PREX2: variants seen among roughly 807,000 people sequenced by gnomAD.
The protein encoded by PREX2 is phosphatidylinositol 3,4,5-trisphosphate-dependent Rac exchanger 2 protein.
A neutral mutation model predicts 203.2 loss-of-function variants in PREX2; 107 were observed. The ratio of observed to expected loss-of-function variants is 0.53; its 90% CI spans 0.45 to 0.62. The LOEUF is 0.62. PREX2 is among the 20% of genes least tolerant of loss of function. The pLI, the probability that PREX2 is intolerant of heterozygous loss-of-function variation, is 0.00. For missense variants in PREX2, 1,777 were observed against 1,955.9 expected, an observed-to-expected ratio of 0.91 and a Z score of 1.72; for synonymous variants, 672 against 663.6, an observed-to-expected ratio of 1.01 and a Z score of -0.19.
intron 37 of PREX2, among the ~76,000 whole-genome samples, chr8:68,204,927 C>T (rs971425451): frequency 2.6e-5 from 4 of 151,664 alleles, no homozygotes; most frequent in African/African-American, 4.8e-5. Flanking sequence ...GTGATCCGCC[C>T]GCCTCGGCCT....
chr8:68,040,373 G>T (rs960600575), intron 7 of PREX2, among the ~76,000 whole-genome samples: 2 of 151,932 alleles, frequency 1.3e-5, no homozygotes, highest in African/African-American at 4.8e-5. Context: ...ACAAAATTCT[G>T]CCTGGTCCAG....
chr8:68,098,583 C>T (rs192255214), intron 22 of PREX2, among the ~76,000 whole-genome samples: 1 of 152,128 alleles, frequency 6.6e-6, no homozygotes, highest in East Asian at 1.9e-4. Flanking sequence ...ATTATTTTCT[C>T]ATTTTCCAGC....
chr8:68,126,028 G>C (rs950252673), intron 30 of PREX2, among the ~76,000 whole-genome samples: 1 of 152,010 alleles, frequency 6.6e-6, no homozygotes, highest in Admixed American at 6.6e-5. Context: ...ACATTGATCT[G>C]TTAGAAGCCA....
intron 24 of PREX2, chr8:68,108,931 T>C: frequency 3.0e-6 from 1 of 328,348 alleles, no homozygotes; most frequent in Non-Finnish European, 6.0e-6. Context: ...TATGTTAAAG[T>C]GAAATAAGCC....
rs373453163 is a variant in PREX2 at position 68,099,867 on chromosome 8, C to T, written c.2715+24C>T. The T allele has an allele frequency of 3.6e-5, 55 of 1,534,854 alleles. No homozygotes were observed. In the African/African-American group the frequency reaches 7.2e-4, roughly 20 times the overall value. On this transcript the variant is annotated intron_variant, in intron 23 of 39. Transcript: ENST00000288368. ...AGGTAAGTGTTCTATTGATTTTATA[C>T]ACAATTATTGTTGAAATTATTATTT...
At chr8:68,118,182 T>C (rs998298115) in intron 26 of PREX2, among the ~76,000 whole-genome samples, 5 of 151,962 alleles carry the variant, frequency 3.3e-5, no homozygotes, top group Admixed American at 6.6e-5. Flanking sequence ...GGTGAAACCC[T>C]GTCTCTACTA....
At chr8:68,015,013 A>C (rs1480613573) in intron 1 of PREX2, among the ~76,000 whole-genome samples, 10 of 152,236 alleles carry the variant, frequency 6.6e-5, no homozygotes, top group Non-Finnish European at 2.9e-5. Context: ...TATGTGTGTC[A>C]AGATGAAGAT....
intron 35 of PREX2, among the ~76,000 whole-genome samples, chr8:68,189,175 A>T (rs1035481789): frequency 6.6e-5 from 10 of 152,252 alleles, no homozygotes; most frequent in Non-Finnish European, 1.0e-4. Flanking sequence ...GTTTAATCCT[A>T]CATAAGTACC....
chr8:68,129,908 T>A (rs2053145), intron 31 of PREX2, among the ~76,000 whole-genome samples: 54,197 of 150,774 alleles, frequency 0.36, 10,220 homozygotes, highest in South Asian at 0.5. Flanking sequence ...AACCCTCAAA[T>A]TCTCTGTTTT....
intron 1 of PREX2, among the ~76,000 whole-genome samples, chr8:68,010,543 A>T (rs908922253): frequency 1.3e-5 from 2 of 152,174 alleles, no homozygotes; most frequent in Non-Finnish European, 2.9e-5. Flanking sequence ...GATAACATTT[A>T]CTGGGCCTTA....
intron 38 of PREX2, chr8:68,223,297 TTTTG>T (rs1812993349): frequency 6.6e-6 from 1 of 152,202 alleles, no homozygotes; most frequent in African/African-American, 2.4e-5. Flanking sequence ...TCTTTGTTTG[TTTTG>T]TTTTTGTTTT....
chr8:68,220,902 A>C (rs1049170146), intron 38 of PREX2, among the ~76,000 whole-genome samples: 1 of 152,178 alleles, frequency 6.6e-6, no homozygotes, highest in Non-Finnish European at 1.5e-5. Flanking sequence ...GTACGTGTGC[A>C]GGTTTGTTAC....
intron 35 of PREX2, among the ~76,000 whole-genome samples, chr8:68,161,787 G>A (rs982958191): frequency 6.6e-6 from 1 of 151,728 alleles, no homozygotes; most frequent in Non-Finnish European, 1.5e-5. Context: ...TCTTATATCT[G>A]GTAGTTTTAG....
intron 35 of PREX2, among the ~76,000 whole-genome samples, chr8:68,160,742 G>T (rs995569550): frequency 6.6e-6 from 1 of 152,094 alleles, no homozygotes; most frequent in Admixed American, 6.6e-5. Context: ...ATAATTCCAA[G>T]ATTTCAAAAG....
intron 1 of PREX2, among the ~76,000 whole-genome samples, chr8:67,982,970 G>A (rs1031196058): frequency 6.6e-6 from 1 of 152,062 alleles, no homozygotes; most frequent in African/African-American, 2.4e-5. Flanking sequence ...CCTCAATTTC[G>A]GTATGCAGGT....
chr8:68,222,409 G>GT (rs1390839990), intron 38 of PREX2, among the ~76,000 whole-genome samples: 1 of 147,254 alleles, frequency 6.8e-6, no homozygotes, highest in African/African-American at 2.5e-5. Context: ...AGAGCTCCCA[G>GT]TGGCCAAAAC....
intron 15 of PREX2, among the ~76,000 whole-genome samples, chr8:68,079,524 G>T (rs6995501): frequency 0.53 from 80,943 of 151,790 alleles, 21,578 homozygotes; most frequent in South Asian, 0.56. Context: ...AGACCTGGAA[G>T]TTAAATTCAG....
chr8:68,005,810 C>T (rs1413245998), intron 1 of PREX2, among the ~76,000 whole-genome samples: 1 of 152,176 alleles, frequency 6.6e-6, no homozygotes, highest in Non-Finnish European at 1.5e-5. Flanking sequence ...AATGCACACT[C>T]ATTGAGGGCA....
intron 39 of PREX2, among the ~76,000 whole-genome samples, chr8:68,227,872 T>C (rs1178886249): frequency 6.6e-6 from 1 of 152,186 alleles, no homozygotes; most frequent in African/African-American, 2.4e-5. Context: ...GAGGGATGTT[T>C]CTTGGACACC....
Sources: gnomAD v4.1 joint callset for allele counts (sites outside exome capture counted in the v4.1 genomes callset) on GRCh38, gnomAD v4.1.1 for gene constraint, MANE v1.5 for transcripts, NCBI Gene and HGNC (gene_info 2026-07-23, HGNC 2026-07-21) for gene names.